Variants in DLGAP1 observed in about 807,000 individuals in gnomAD.
DLGAP1 encodes disks large-associated protein 1.
In DLGAP1, 11 loss-of-function variants were observed where a neutral mutation model predicts 90.8. The observed-to-expected ratio is 0.12, with a 90% CI of 0.08 to 0.20. The LOEUF (loss-of-function observed/expected upper bound fraction) is 0.20. Among genes scored for constraint, DLGAP1 ranks in the 10% least tolerant of loss-of-function variants. DLGAP1 has a pLI of 1.00. For synonymous variants in DLGAP1, 558 were observed against 540.7 expected, an observed-to-expected ratio of 1.03 and a Z score of -0.44; for missense variants, 1,050 against 1,333.8, an observed-to-expected ratio of 0.79 and a Z score of 3.31.
chr18:3,978,649 A>C (rs1268859404), intron 3 of DLGAP1: 1 of 170,734 alleles, frequency 5.9e-6, no homozygotes, highest in Non-Finnish European at 1.3e-5. Flanking sequence ...TCTGCATAAG[A>C]ATATGTAGCT....
At position 3,628,289 on chromosome 18, in the gene DLGAP1, G is replaced by A. The variant is rs371748264; in HGVS notation, c.1592-46041C>T. The stretch of plus-strand genomic sequence containing the variant: ...GCTGTAACCTCTGCCTCCCGGGTTC[G>A]AGCGATTCTCCTATTTCAGCCTCCC... On this transcript the variant is annotated intron_variant, in intron 7 of 12. Transcript: ENST00000315677. Among the ~76,000 whole-genome samples, 66 of 150,100 alleles carry A rather than the reference G, an allele frequency of 4.4e-4. No individual in the cohort carries two copies. In the South Asian group the frequency reaches 5.4e-3, roughly 12 times the overall value.
At chr18:4,115,278 T>C (rs2076041835) in intron 2 of DLGAP1, among the ~76,000 whole-genome samples, 1 of 151,932 alleles carries the variant, frequency 6.6e-6, no homozygotes, top group Non-Finnish European at 1.5e-5. Flanking sequence ...GTTGTGTATA[T>C]TGAGCTAAAT....
At chr18:4,081,478 T>C (rs1301631611) in intron 2 of DLGAP1, among the ~76,000 whole-genome samples, 1 of 152,142 alleles carries the variant, frequency 6.6e-6, no homozygotes, top group African/African-American at 2.4e-5. Flanking sequence ...TACCCCAAAA[T>C]ATGGTGCTTT....
chr18:4,387,151 T>A (rs114975496), intron 1 of DLGAP1, among the ~76,000 whole-genome samples: 1 of 152,104 alleles, frequency 6.6e-6, no homozygotes, highest in Non-Finnish European at 1.5e-5. Flanking sequence ...AAGGATAAGA[T>A]GAAGAAATGA....
At chr18:3,730,796 A>C (rs752294686) in intron 6 of DLGAP1, among the ~76,000 whole-genome samples, 12 of 152,222 alleles carry the variant, frequency 7.9e-5, no homozygotes, top group Non-Finnish European at 1.8e-4. Flanking sequence ...AATTCTTTAC[A>C]GTTTAAAAAT....
chr18:3,666,416 C>G (rs987626332), intron 7 of DLGAP1, among the ~76,000 whole-genome samples: 1 of 152,098 alleles, frequency 6.6e-6, no homozygotes, highest in Admixed American at 6.5e-5. Flanking sequence ...AAAGCCAGAC[C>G]CGAGTTTCCT....
chr18:3,979,819 C>T (rs965736302), intron 3 of DLGAP1, among the ~76,000 whole-genome samples: 11 of 152,336 alleles, frequency 7.2e-5, no homozygotes, highest in African/African-American at 2.4e-4. Context: ...CACAAATACA[C>T]ACAATTATTA....
At chr18:3,720,081 C>T (rs439890) in intron 7 of DLGAP1, among the ~76,000 whole-genome samples, 38,878 of 152,026 alleles carry the variant, frequency 0.26, 9,851 homozygotes, top group African/African-American at 0.66. Flanking sequence ...AACTGGTTAA[C>T]CAATGTCAAG....
intron 1 of DLGAP1, among the ~76,000 whole-genome samples, chr18:4,332,157 G>GT (rs2080967239): frequency 1.3e-5 from 2 of 151,960 alleles, no homozygotes; most frequent in Non-Finnish European, 2.9e-5. Flanking sequence ...GGAATGGGGA[G>GT]TAGGAGTTAA....
chr18:3,662,693 C>T (rs7228243), intron 7 of DLGAP1, among the ~76,000 whole-genome samples: 46,362 of 152,000 alleles, frequency 0.31, 8,312 homozygotes, highest in African/African-American at 0.51. Context: ...ATCCAAGAGC[C>T]GCAGAGAATC....
chr18:3,699,812 C>T (rs998387699), intron 7 of DLGAP1, among the ~76,000 whole-genome samples: 4 of 152,164 alleles, frequency 2.6e-5, no homozygotes, highest in South Asian at 2.1e-4. Flanking sequence ...GGGGCTGCTG[C>T]GTTTCTTTCA....
rs146233386 is a variant in DLGAP1, at chr18:4,333,967, G to A, written c.-267+121039C>T. Among the ~76,000 whole-genome samples the A allele has an allele frequency of 8.3e-3, 1,254 of 151,480 alleles. 52 individuals carry two copies. Among genetic ancestry groups the A allele is most frequent in the African/African-American group, 0.029 (1,196 of 41,032 alleles). ...AAGACCCACACCTCAGGCCAGGTGC[G>A]GTGGCTCACGCCTGTAATCCCAGCA... On this transcript the variant is annotated intron_variant, in intron 1 of 12. Coordinates refer to ENST00000315677, the MANE Select transcript of DLGAP1 (RefSeq NM_004746.4).
intron 1 of DLGAP1, among the ~76,000 whole-genome samples, chr18:4,319,872 A>G (rs978837817): frequency 8.5e-5 from 13 of 152,098 alleles, no homozygotes; most frequent in Non-Finnish European, 1.6e-4. Flanking sequence ...TCATTCCTTC[A>G]TATACACATT....
chr18:4,357,696 T>C (rs1344388430), intron 1 of DLGAP1, among the ~76,000 whole-genome samples: 1 of 152,250 alleles, frequency 6.6e-6, no homozygotes, highest in East Asian at 1.9e-4. Flanking sequence ...CTGACATCTC[T>C]GGCAACAGCA....
At position 3,547,578 on chromosome 18, in the gene DLGAP1, C is replaced by T. The variant is rs1439828690; in HGVS notation, c.2058-12963G>A. ...CACCACAATGACATGCCACTTCATACCCAATAGGATAGCCATAAGGGAAAA... is the reference window on the plus strand; with the variant it reads ...CACCACAATGACATGCCACTTCATATCCAATAGGATAGCCATAAGGGAAAA... On this transcript the variant is annotated intron_variant, in intron 9 of 12. Coordinates refer to ENST00000315677, the MANE Select transcript of DLGAP1 (RefSeq NM_004746.4). 2.5e-5 allele frequency among the ~76,000 whole-genome samples: 3 copies of T among 121,760 alleles called. No homozygotes were observed. In the Admixed American group the frequency reaches 3.0e-4, roughly 12 times the overall value. The allele number at this position is 121,760 out of a possible 152,430, so 79.9% of individuals were successfully genotyped here.
At chr18:4,295,627 C>A (rs1244581181) in intron 1 of DLGAP1, among the ~76,000 whole-genome samples, 1 of 152,142 alleles carries the variant, frequency 6.6e-6, no homozygotes, top group African/African-American at 2.4e-5. Flanking sequence ...GAGCTAGCAC[C>A]ATTTCATCTG....
At chr18:3,689,399 C>T (rs2060816616) in intron 7 of DLGAP1, among the ~76,000 whole-genome samples, 1 of 152,172 alleles carries the variant, frequency 6.6e-6, no homozygotes, top group African/African-American at 2.4e-5. Flanking sequence ...ACCCCATCAT[C>T]CAGGGTCAGG....
rs551273825 is a variant in DLGAP1, at chr18:3,698,152, G to A, written c.1591+30983C>T. 2.4e-4 allele frequency among the ~76,000 whole-genome samples: 36 copies of A among 152,248 alleles called. No homozygotes were observed. In the South Asian group the frequency reaches 7.5e-3, roughly 32 times the overall value. ...GACTCTTTATCCAATTTGCCACTCT[G>A]TGTCTTTTAATTGGGGCATTTAGCC... is the stretch of plus-strand genomic sequence containing the variant. On this transcript the variant is annotated intron_variant, in intron 7 of 12. Transcript: ENST00000315677.
chr18:4,150,779 G>A (rs751181846), intron 2 of DLGAP1, among the ~76,000 whole-genome samples: 16 of 152,224 alleles, frequency 1.1e-4, no homozygotes, highest in Non-Finnish European at 2.2e-4. Context: ...GAACATGTCT[G>A]TGTGGATAAA....
Sources: gnomAD v4.1 joint callset for allele counts (sites outside exome capture counted in the v4.1 genomes callset) on GRCh38, gnomAD v4.1.1 for gene constraint, MANE v1.5 for transcripts, NCBI Gene and HGNC (gene_info 2026-07-23, HGNC 2026-07-21) for gene names.